SHANK2: variants seen among roughly 807,000 people sequenced by gnomAD.
SHANK2 encodes the protein SH3 and multiple ankyrin repeat domains protein 2.
Under a neutral mutation model 133.7 loss-of-function variants are expected in SHANK2, and 43 were observed. The ratio of observed to expected loss-of-function variants is 0.32; its 90% confidence interval spans 0.25 to 0.41. The LOEUF (loss-of-function observed/expected upper bound fraction) is 0.41. Ranked by LOEUF, SHANK2 falls within the 10% of genes least tolerant of loss-of-function variation. SHANK2 has a pLI of 1.00. For missense variants in SHANK2, 1,994 were observed against 2,235.8 expected, an observed-to-expected ratio of 0.89 and a Z score of 2.18; for synonymous variants, 1,017 against 952.8, an observed-to-expected ratio of 1.07 and a Z score of -1.24.
chr11:70,756,002 C>A (rs1372366863), intron 14 of SHANK2, among the ~76,000 whole-genome samples: 3 of 152,176 alleles, frequency 2.0e-5, no homozygotes, highest in African/African-American at 7.2e-5. Context: ...GAGCCCCGGA[C>A]CCCACTGACG....
Position 70,798,427 on chromosome 11 carries a change from C to G in SHANK2, c.1777+16G>C, listed in dbSNP as rs183241872. The G allele has an allele frequency of 1.4e-6, 1 of 717,470 alleles. No individual in the cohort carries two copies. The highest frequency in any genetic ancestry group is 1.5e-5 in the South Asian group (1 of 67,590). 44.4% of individuals were successfully genotyped at this position (717,470 alleles called of 1,614,324 possible). On this transcript the variant is annotated intron_variant, in intron 14 of 25. Transcript: ENST00000601538. Reference sequence around the variant, plus strand: ...CTGCAGGATCGAGGGTGGGCGGCCACGAGCGCTCGCCTTACCTGCCTGGCT... The same window carrying G: ...CTGCAGGATCGAGGGTGGGCGGCCAGGAGCGCTCGCCTTACCTGCCTGGCT...
chr11:71,170,253 T>C (rs1953285789), intron 2 of SHANK2, among the ~76,000 whole-genome samples: 1 of 152,230 alleles, frequency 6.6e-6, no homozygotes, highest in African/African-American at 2.4e-5. Flanking sequence ...TCATTTAGAA[T>C]ATTACTCTCA....
intron 11 of SHANK2, among the ~76,000 whole-genome samples, chr11:70,827,001 T>A (rs572225159): frequency 6.6e-6 from 1 of 152,092 alleles, no homozygotes; most frequent in African/African-American, 2.4e-5. Flanking sequence ...TAAAAAAAAA[T>A]TTTTTTAAAG....
intron 17 of SHANK2, among the ~76,000 whole-genome samples, chr11:70,542,855 G>A (rs2059640031): frequency 6.6e-6 from 1 of 152,202 alleles, no homozygotes; most frequent in Non-Finnish European, 1.5e-5. Context: ...CCACTGCCAT[G>A]AAGAGAGGCA....
At chr11:71,074,604 A>AT (rs1951194028) in intron 9 of SHANK2, among the ~76,000 whole-genome samples, 1 of 152,192 alleles carries the variant, frequency 6.6e-6, no homozygotes, top group Non-Finnish European at 1.5e-5. Flanking sequence ...CAGGCTGATA[A>AT]GAACAGACAA....
At chr11:71,176,841 A>G (rs1188370954) in intron 2 of SHANK2, among the ~76,000 whole-genome samples, 1 of 152,198 alleles carries the variant, frequency 6.6e-6, no homozygotes, top group Non-Finnish European at 1.5e-5. Context: ...TATGAAAACT[A>G]TAAACTCCCA....
At chr11:71,099,772 G>C (rs781952827) in intron 6 of SHANK2, among the ~76,000 whole-genome samples, 1 of 152,170 alleles carries the variant, frequency 6.6e-6, no homozygotes, top group Non-Finnish European at 1.5e-5. Flanking sequence ...GCAATTAGAG[G>C]CTGTGTTCAG....
intron 14 of SHANK2, among the ~76,000 whole-genome samples, chr11:70,771,785 G>A (rs1207295894): frequency 6.6e-6 from 1 of 152,126 alleles, no homozygotes; most frequent in Non-Finnish European, 1.5e-5. Flanking sequence ...AGGATTTGGA[G>A]GTTCATAAAT....
intron 10 of SHANK2, among the ~76,000 whole-genome samples, chr11:70,903,595 G>T (rs3019826): frequency 1.3e-5 from 2 of 151,984 alleles, no homozygotes; most frequent in African/African-American, 4.8e-5. Context: ...CATTGGGAAA[G>T]ACAGTAGAGG....
chr11:70,533,181 C>A (rs1022738158), intron 17 of SHANK2, among the ~76,000 whole-genome samples: 1 of 152,134 alleles, frequency 6.6e-6, no homozygotes, highest in African/African-American at 2.4e-5. Flanking sequence ...TGGTTGCACA[C>A]CCTGTGATTG....
At chr11:70,729,022 T>C (rs1452643698) in intron 14 of SHANK2, among the ~76,000 whole-genome samples, 2 of 151,874 alleles carry the variant, frequency 1.3e-5, no homozygotes, top group Non-Finnish European at 2.9e-5. Flanking sequence ...CTGGCCAACA[T>C]AGCAAAACCC....
chr11:70,793,598 C>A (rs1228620369), intron 14 of SHANK2, among the ~76,000 whole-genome samples: 1 of 152,050 alleles, frequency 6.6e-6, no homozygotes, highest in Non-Finnish European at 1.5e-5. Flanking sequence ...AATCATCATC[C>A]CCAGAAAAAT....
At chr11:70,784,542 G>C (rs1947605327) in intron 14 of SHANK2, among the ~76,000 whole-genome samples, 1 of 151,762 alleles carries the variant, frequency 6.6e-6, no homozygotes. Flanking sequence ...TGACCTCTCA[G>C]GTGATCTGCC....
At chr11:70,708,568 C>G (rs1419925371) in intron 14 of SHANK2, among the ~76,000 whole-genome samples, 3 of 152,184 alleles carry the variant, frequency 2.0e-5, no homozygotes, top group African/African-American at 7.2e-5. Flanking sequence ...AGGCAGGGGT[C>G]AGATGTCTCC....
At position 70,492,376 on chromosome 11, in the gene SHANK2, G is replaced by A. The variant is rs781961658; in HGVS notation, c.2398C>T (p.Arg800Trp). 8.4e-5 allele frequency: 135 copies of A among 1,612,836 alleles called. 1 individual carries two copies. Among genetic ancestry groups the A allele is most frequent in the South Asian group, 3.3e-5 (3 of 91,074 alleles). ...GCCGGGAAGCACCGGCTGCTGGGCCGCTGCTTGATGGTCGCCACCCTCGGT... is the reference window on the plus strand; with the variant it reads ...GCCGGGAAGCACCGGCTGCTGGGCCACTGCTTGATGGTCGCCACCCTCGGT... ...VEPRVATIKQ[R>W]PSSRCFPAGS... is the part of the protein sequence containing the mutation. The change falls in exon 22 of 26, where the codon CGG becomes TGG. Residue 800 changes from arginine to tryptophan, a missense_variant. Physicochemically the swap from Arg to Trp is moderately radical, Grantham distance 101. Around this residue, in one of 5 missense-constraint regions of SHANK2, gnomAD observed 488 missense variants for 642.6 expected, o/e 0.76. Coordinates refer to ENST00000601538, the MANE Select transcript of SHANK2 (RefSeq NM_012309.5).
intron 10 of SHANK2, 56 bp from the exon 11 acceptor site, chr11:70,896,623 C>T (rs377341258): frequency 1.4e-6 from 1 of 711,842 alleles, no homozygotes; most frequent in Non-Finnish European, 2.6e-6. Context: ...ATGATTTCTG[C>T]ATATACTATT....
chr11:71,155,506 T>A, intron 2 of SHANK2, among the ~76,000 whole-genome samples: 1 of 149,664 alleles, frequency 6.7e-6, no homozygotes, highest in East Asian at 2.0e-4. Context: ...GCCCCTCCCA[T>A]GCCCCCAGCC....
At chr11:70,611,903 C>A (rs1251904229) in intron 17 of SHANK2, among the ~76,000 whole-genome samples, 1 of 139,650 alleles carries the variant, frequency 7.2e-6, no homozygotes, top group East Asian at 2.3e-4. Flanking sequence ...TGAAACTGGG[C>A]TGCTGCTGAA....
chr11:71,138,325 G>T (rs1482598437), intron 3 of SHANK2, among the ~76,000 whole-genome samples: 1 of 152,210 alleles, frequency 6.6e-6, no homozygotes, highest in Non-Finnish European at 1.5e-5. Context: ...AGGCTCAGAC[G>T]TTGCCAGCAC....
Sources: allele counts gnomAD v4.1 joint callset (sites outside exome capture counted in the v4.1 genomes callset), GRCh38; gene constraint gnomAD v4.1.1; regional missense constraint gnomAD v4.1.1; transcripts MANE v1.5; gene names NCBI Gene and HGNC (gene_info 2026-07-23, HGNC 2026-07-21).